CCDC138: variants seen among roughly 807,000 people sequenced by gnomAD.
CCDC138 encodes coiled-coil domain containing 138.
CCDC138 carries 66 observed loss-of-function variants against 82.3 expected under a neutral mutation model. The ratio of observed to expected loss-of-function variants is 0.80; its 90% CI spans 0.66 to 0.98. The LOEUF (loss-of-function observed/expected upper bound fraction) is 0.98, where lower values mean the gene tolerates loss of function less well. Ranked by LOEUF, CCDC138 falls within the 50% of genes least tolerant of loss-of-function variation. The pLI is 0.00. For missense variants in CCDC138, 816 were observed against 758.9 expected, an observed-to-expected ratio of 1.08 and a Z score of -0.88; for synonymous variants, 297 against 265.4, an observed-to-expected ratio of 1.12 and a Z score of -1.16.
rs1348085169 is a variant in CCDC138, at chr2:108,843,878, G to T, written c.1324-2860G>T. 3.2e-4 allele frequency among the ~76,000 whole-genome samples: 14 copies of T among 44,174 alleles called. 3 individuals carry two copies. Among genetic ancestry groups the T allele is most frequent in the East Asian group, 1.1e-3 (1 of 938 alleles). The allele number at this position is 44,174 out of a possible 152,430, so 29.0% of individuals were successfully genotyped here. A position where few individuals can be genotyped will look rare whatever the true frequency, so the allele number is the denominator to read the frequency against. ...TGTGTGTGTGTGTGTGTGTGTGTGTGTTTCTTTCTTTTTTTTTTTTTTTTT... is the reference window on the plus strand; with the variant it reads ...TGTGTGTGTGTGTGTGTGTGTGTGTTTTTCTTTCTTTTTTTTTTTTTTTTT... On this transcript the variant is annotated intron_variant, in intron 11 of 14. Coordinates refer to ENST00000295124, the MANE Select transcript of CCDC138 (RefSeq NM_144978.3).
chr2:108,798,551 G>A lies in CCDC138; in HGVS notation c.700G>A (p.Glu234Lys). The change falls in exon 6 of 15, where the codon GAA becomes AAA. Residue 234 changes from glutamate (E) to lysine (K), a missense_variant. Transcript: ENST00000295124. ...CTTGAGTAAAATTAAAGGTGTTGAA[G>A]AAGAGGTTCTTACAAGATTTCAAAT... Reference protein sequence around the residue: ...NALSKIKGVEEEVLTRFQIIK... With the variant: ...NALSKIKGVEKEVLTRFQIIK... 1 of 1,613,292 alleles carries A rather than the reference G, an allele frequency of 6.2e-7. No individual in the cohort carries two copies. The highest frequency in any genetic ancestry group is 8.5e-7 in the Non-Finnish European group (1 of 1,179,610).
intron 9 of CCDC138, among the ~76,000 whole-genome samples, chr2:108,813,198 G>T (rs1158016133): frequency 1.7e-5 from 2 of 120,476 alleles, no homozygotes; most frequent in East Asian, 3.0e-4. Flanking sequence ...GCAGTGAGCC[G>T]AGATTGCACC....
intron 13 of CCDC138, among the ~76,000 whole-genome samples, chr2:108,870,098 A>AT: frequency 6.6e-6 from 1 of 152,366 alleles, no homozygotes; most frequent in South Asian, 2.1e-4. Context: ...AATATGCTCA[A>AT]TGAGTTAATG....
chr2:108,825,598 T>C (rs1686437192), intron 10 of CCDC138, among the ~76,000 whole-genome samples: 1 of 152,212 alleles, frequency 6.6e-6, no homozygotes, highest in Admixed American at 6.5e-5. Flanking sequence ...ATTTATTATG[T>C]TTTTGAAATT....
intron 10 of CCDC138, among the ~76,000 whole-genome samples, chr2:108,818,447 A>G (rs1685144343): frequency 6.6e-6 from 1 of 152,214 alleles, no homozygotes; most frequent in Non-Finnish European, 1.5e-5. Context: ...TGACATGTTC[A>G]GGATTTACAG....
At chr2:108,817,834 A>T (rs2149970939) in intron 10 of CCDC138, among the ~76,000 whole-genome samples, 1 of 152,248 alleles carries the variant, frequency 6.6e-6, no homozygotes, top group East Asian at 1.9e-4. Context: ...GTGTTGTTTA[A>T]ATGTTAAGTT....
At chr2:108,815,598 T>TG (rs1454025457) in intron 9 of CCDC138, among the ~76,000 whole-genome samples, 2 of 151,268 alleles carry the variant, frequency 1.3e-5, no homozygotes, top group Non-Finnish European at 2.9e-5. Flanking sequence ...TCCGAGTAGC[T>TG]GGGATTACAG....
In CCDC138 at chr2:108,791,718, G is replaced by C; in HGVS notation, c.310G>C (p.Glu104Gln). The C allele has an allele frequency of 6.2e-7, 1 of 1,606,742 alleles. No individual in the cohort carries two copies. Among genetic ancestry groups the C allele is most frequent in the Non-Finnish European group, 8.5e-7 (1 of 1,175,372 alleles). Residue 104 changes from glutamate to glutamine, a missense_variant, in exon 4 of 15, where the codon GAA (glutamate) becomes CAA (glutamine). Physicochemically the swap from Glu to Gln is conservative, Grantham distance 29. Transcript: ENST00000295124. ...TTCTTTCCATGATTTGAAGAAACAG[G>C]AAACAGAAGAAGAGTTAATTGAAAA... ...LDSFHDLKKQ[E>Q]TEEELIENDY...
chr2:108,822,729 T>G (rs896143867), intron 10 of CCDC138, among the ~76,000 whole-genome samples: 4 of 152,146 alleles, frequency 2.6e-5, no homozygotes, highest in Admixed American at 6.6e-5. Context: ...CCAAGGAAAA[T>G]TGGCAAATAC....
chr2:108,795,230 C>T (rs566821072), intron 5 of CCDC138, among the ~76,000 whole-genome samples: 36 of 142,122 alleles, frequency 2.5e-4, no homozygotes, highest in South Asian at 2.3e-3. Flanking sequence ...TCTTGGCTCA[C>T]TGCGGCCTCC....
At chr2:108,835,944 T>C (rs1688499890) in intron 10 of CCDC138, among the ~76,000 whole-genome samples, 1 of 152,160 alleles carries the variant, frequency 6.6e-6, no homozygotes, top group Non-Finnish European at 1.5e-5. Context: ...GGATGAACGT[T>C]GTGTGCCCAC....
At chr2:108,815,399 T>C (rs907524368) in intron 9 of CCDC138, among the ~76,000 whole-genome samples, 2 of 151,980 alleles carry the variant, frequency 1.3e-5, no homozygotes, top group African/African-American at 2.4e-5. Flanking sequence ...ATTATGACTT[T>C]TCTTGCCTTC....
chr2:108,800,791 C>T, intron 6 of CCDC138, among the ~76,000 whole-genome samples: 1 of 112,686 alleles, frequency 8.9e-6, no homozygotes. Context: ...CCCCACCCCA[C>T]CACAGTCCCC....
At chr2:108,794,457 C>A in intron 4 of CCDC138, 83 bp from the exon 5 acceptor site, 1 of 1,194,932 alleles carries the variant, frequency 8.4e-7, no homozygotes, top group Non-Finnish European at 1.2e-6. Flanking sequence ...GTACTTAAAG[C>A]ATCTCTTCCT....
intron 7 of CCDC138, among the ~76,000 whole-genome samples, chr2:108,809,718 A>T (rs1683473500): frequency 6.6e-6 from 1 of 152,054 alleles, no homozygotes; most frequent in African/African-American, 2.4e-5. Context: ...GTTCTGAGAA[A>T]TTTTTGGTGG....
chr2:108,813,283 C>T (rs1684220877), intron 9 of CCDC138, among the ~76,000 whole-genome samples: 1 of 137,366 alleles, frequency 7.3e-6, no homozygotes, highest in Admixed American at 7.4e-5. Context: ...GAAAATTTCT[C>T]CAATGGAAAG....
chr2:108,840,262 G>A (rs1689235700), intron 11 of CCDC138, among the ~76,000 whole-genome samples: 2 of 151,928 alleles, frequency 1.3e-5, no homozygotes, highest in South Asian at 4.2e-4. Context: ...TTTTGTTAAG[G>A]ACTTTTGTTT....
Position 108,824,573 on chromosome 2 carries a change from G to C in CCDC138, c.1206+8468G>C, listed in dbSNP as rs1482123775. On this transcript the variant is annotated intron_variant, in intron 10 of 14. Coordinates refer to ENST00000295124, the MANE Select transcript of CCDC138 (RefSeq NM_144978.3). ...TCCTGGAAGACCTGCTGAAGGACCT[G>C]CCTGAGGCTGTTTTACATTTAACTT... Among the ~76,000 whole-genome samples the C allele has an allele frequency of 4.6e-5, 7 of 152,230 alleles. No individual in the cohort carries two copies. In the South Asian group the frequency reaches 1.2e-3, roughly 27 times the overall value.
Position 108,846,720 on chromosome 2 carries a change from T to C in CCDC138, c.1324-18T>C, listed in dbSNP as rs776072514. On this transcript the variant is annotated intron_variant, in intron 11 of 14. Coordinates refer to ENST00000295124, the MANE Select transcript of CCDC138 (RefSeq NM_144978.3). ...TGAACATGAATAAATATACTAAGAT[T>C]GTACATATTTTTAACAGCACTCGAC... 58 of 1,584,706 alleles carry C rather than the reference T, an allele frequency of 3.7e-5. 1 individual carries two copies. The South Asian group carries it at 6.2e-4, about 17-fold the overall frequency.
Sources: allele counts gnomAD v4.1 joint callset (sites outside exome capture counted in the v4.1 genomes callset), GRCh38; gene constraint gnomAD v4.1.1; transcripts MANE v1.5; gene names NCBI Gene and HGNC (gene_info 2026-07-23, HGNC 2026-07-21).